Variants in GLIS3 observed in about 807,000 individuals in gnomAD.
GLIS3 encodes the protein zinc finger protein GLIS3.
GLIS3 carries 53 observed loss-of-function variants against 78.6 expected under a neutral mutation model. The observed-to-expected ratio is 0.67, with a 90% CI of 0.54 to 0.85. The LOEUF is 0.85. Among genes scored for constraint, GLIS3 ranks in the 40% least tolerant of loss-of-function variants. The pLI is 0.00. For missense variants in GLIS3, 1,703 were observed against 1,231.1 expected (o/e 1.38, Z -5.74); for synonymous variants, 684 against 509.9 (o/e 1.34, Z -4.60).
chr9:4,427,741 C>A, the GLIS3 span, among the ~76,000 whole-genome samples: 1 of 151,794 alleles, frequency 6.6e-6, no homozygotes, highest in African/African-American at 2.4e-5. Context: ...CACCTGCAAT[C>A]CCAGCTACTC....
chr9:4,319,885 T>C (rs754331219), intron 2 of GLIS3, among the ~76,000 whole-genome samples: 2 of 152,174 alleles, frequency 1.3e-5, no homozygotes, highest in African/African-American at 4.8e-5. Context: ...TATTAATGAA[T>C]GATTTAGAAC....
intron 2 of GLIS3, among the ~76,000 whole-genome samples, chr9:4,167,592 G>T (rs1376592256): frequency 6.6e-6 from 1 of 152,146 alleles, no homozygotes; most frequent in African/African-American, 2.4e-5. Context: ...CTGAATGAAT[G>T]TAAGATTTTC....
intron 2 of GLIS3, among the ~76,000 whole-genome samples, chr9:4,129,744 C>T (rs1428802322): frequency 6.6e-6 from 1 of 152,078 alleles, no homozygotes; most frequent in Non-Finnish European, 1.5e-5. Flanking sequence ...AATGCGAGAA[C>T]AGACTAATAC....
intron 8 of GLIS3, among the ~76,000 whole-genome samples, chr9:3,871,835 G>A (rs1300991325): frequency 1.3e-5 from 2 of 152,206 alleles, no homozygotes; most frequent in African/African-American, 2.4e-5. Flanking sequence ...TTGGCTCCTC[G>A]TTACTTATGC....
chr9:3,896,609 T>A (rs925539141), intron 7 of GLIS3, among the ~76,000 whole-genome samples: 9 of 127,402 alleles, frequency 7.1e-5, no homozygotes, highest in Admixed American at 7.0e-4. Flanking sequence ...GAGGTTGCAG[T>A]GAGCTGAGAT....
At chr9:4,312,793 G>A (rs757928693) in intron 2 of GLIS3, among the ~76,000 whole-genome samples, 9 of 152,202 alleles carry the variant, frequency 5.9e-5, no homozygotes, top group Non-Finnish European at 1.3e-4. Flanking sequence ...TGTGTCTTCA[G>A]CCAGATCATT....
At chr9:4,207,562 C>A (rs1200030614) in intron 2 of GLIS3, among the ~76,000 whole-genome samples, 1 of 152,202 alleles carries the variant, frequency 6.6e-6, no homozygotes, top group Non-Finnish European at 1.5e-5. Flanking sequence ...AAATAGCTAA[C>A]ATGTTACTAC....
intron 2 of GLIS3, among the ~76,000 whole-genome samples, chr9:4,126,334 A>G (rs1055539000): frequency 6.6e-6 from 1 of 152,196 alleles, no homozygotes; most frequent in Non-Finnish European, 1.5e-5. Context: ...AGTTGACACT[A>G]CTGGAAAAAA....
At chr9:3,963,446 T>G (rs983714733) in intron 4 of GLIS3, among the ~76,000 whole-genome samples, 4 of 152,120 alleles carry the variant, frequency 2.6e-5, no homozygotes, top group African/African-American at 9.7e-5. Context: ...TAGGGCAAAC[T>G]CTGCATCCTT....
At position 3,829,420 on chromosome 9, in the gene GLIS3, C is replaced by T. The variant is rs1817915434; in HGVS notation, c.2546G>A (p.Ser849Asn). ...PDSQRIVPPV[S>N]SCSVVPSFED... ...AAACGAAGGCACCACACTGCAGGAG[C>T]TGACAGGCGGCACAATTCTCTGGGA... The change falls in exon 10 of 11, where the codon AGC (serine) becomes AAC (asparagine). Residue 849 changes from serine (S) to asparagine (N), a missense_variant. Transcript: ENST00000381971. 1 of 1,614,020 alleles carries T rather than the reference C, an allele frequency of 6.2e-7. No individual in the cohort carries two copies. Among genetic ancestry groups the T allele is most frequent in the Admixed American group, 1.7e-5 (1 of 60,006 alleles).
the GLIS3 span, among the ~76,000 whole-genome samples, chr9:4,426,765 T>G: frequency 6.6e-6 from 1 of 152,252 alleles, no homozygotes; most frequent in Non-Finnish European, 1.5e-5. Context: ...TTAACTTTTC[T>G]GTGCTTCAGT....
chr9:4,321,284 T>C lies in GLIS3; in HGVS notation n.265-10756A>G, dbSNP rs1226425662. Among the ~76,000 whole-genome samples the C allele has an allele frequency of 2.7e-4, 34 of 127,584 alleles. 5 individuals carry two copies. Among genetic ancestry groups the C allele is most frequent in the Non-Finnish European group, 4.2e-4 (27 of 64,820 alleles). The allele number at this position is 127,584 out of a possible 152,430, so 83.7% of individuals were successfully genotyped here. ...AAATACAAAAAAAATTAGCCGGGAG[T>C]GGTGGCGGGCGCCTGTAGTCCCAGC... On this transcript the variant is annotated intron_variant and non_coding_transcript_variant, in intron 2 of 4. Coordinates refer to the GLIS3 transcript ENST00000471664.
the GLIS3 span, among the ~76,000 whole-genome samples, chr9:4,395,940 A>G: frequency 6.6e-6 from 1 of 151,048 alleles, no homozygotes. Flanking sequence ...CGCCCAGCTA[A>G]TTTTTGTATT....
chr9:4,354,913 G>C, the GLIS3 span, among the ~76,000 whole-genome samples: 1 of 152,074 alleles, frequency 6.6e-6, no homozygotes, highest in Admixed American at 6.6e-5. Flanking sequence ...TCAGGAGATC[G>C]AGACCATCCT....
At chr9:4,465,472 C>A in the GLIS3 span, among the ~76,000 whole-genome samples, 1 of 152,122 alleles carries the variant, frequency 6.6e-6, no homozygotes, top group Non-Finnish European at 1.5e-5. Flanking sequence ...TCTCTTGAAC[C>A]CGGAAGACAG....
the GLIS3 span, among the ~76,000 whole-genome samples, chr9:4,372,188 C>T: frequency 6.6e-6 from 1 of 152,198 alleles, no homozygotes; most frequent in Non-Finnish European, 1.5e-5. Context: ...AGAGAGAGTG[C>T]CAGTTTCATC....
At chr9:3,936,047 G>A (rs1225765065) in intron 5 of GLIS3, among the ~76,000 whole-genome samples, 1 of 152,182 alleles carries the variant, frequency 6.6e-6, no homozygotes, top group Non-Finnish European at 1.5e-5. Flanking sequence ...GTATGAGAAG[G>A]TGTGTAGAAA....
chr9:4,036,893 G>C (rs924177906), intron 4 of GLIS3, among the ~76,000 whole-genome samples: 2 of 152,158 alleles, frequency 1.3e-5, no homozygotes. Context: ...GAGAAATAAA[G>C]ACCAGTAGAG....
chr9:4,322,804 A>T, intron 2 of GLIS3, among the ~76,000 whole-genome samples: 1 of 152,132 alleles, frequency 6.6e-6, no homozygotes, highest in East Asian at 1.9e-4. Context: ...GTAGATTTTG[A>T]ATATTAGCCC....
Sources: gnomAD v4.1 joint callset for allele counts (sites outside exome capture counted in the v4.1 genomes callset) on GRCh38, gnomAD v4.1.1 for gene constraint, MANE v1.5 for transcripts, NCBI Gene and HGNC (gene_info 2026-07-23, HGNC 2026-07-21) for gene names.